EIF2AK2: variants seen among roughly 807,000 people sequenced by gnomAD.
EIF2AK2 encodes the protein interferon-induced, double-stranded RNA-activated protein kinase.
A neutral mutation model predicts 70.5 loss-of-function variants in EIF2AK2; 40 were observed. The ratio of observed to expected loss-of-function variants is 0.57; its 90% confidence interval spans 0.44 to 0.74. The LOEUF (loss-of-function observed/expected upper bound fraction) is 0.74. EIF2AK2 is among the 30% of genes least tolerant of loss of function. The pLI is 0.00. For missense variants in EIF2AK2, 555 were observed against 644.3 expected (o/e 0.86, Z 1.50); for synonymous variants, 198 against 220.9 (o/e 0.90, Z 0.92).
intron 2 of EIF2AK2, among the ~76,000 whole-genome samples, chr2:37,148,303 T>C (rs567984716): frequency 1.3e-4 from 20 of 152,272 alleles, no homozygotes; most frequent in African/African-American, 4.6e-4. Context: ...GGCTGCAGGA[T>C]TGTAGAATGT....
In EIF2AK2 at chr2:37,103,383, A is replaced by G; in HGVS notation, c.*3890T>C. On this transcript the variant is annotated 3_prime_UTR_variant, in exon 17 of 17. Transcript: ENST00000233057. The stretch of plus-strand genomic sequence containing the variant: ...GCTAATTTTTGTATTTTTAGTAGAG[A>G]TGGGGTTTCACCATGTTGGCCAGGC... 1 of 152,094 alleles carries G rather than the reference A, an allele frequency of 6.6e-6. No homozygotes were observed. The highest frequency in any genetic ancestry group is 1.5e-5 in the Non-Finnish European group (1 of 68,072). The allele number at this position is 152,094 out of a possible 1,614,324, so 9.4% of individuals were successfully genotyped here.
At chr2:37,124,851 T>C (rs1343298498) in intron 11 of EIF2AK2, among the ~76,000 whole-genome samples, 1 of 151,818 alleles carries the variant, frequency 6.6e-6, no homozygotes, top group Non-Finnish European at 1.5e-5. Flanking sequence ...CCTCAGCTTC[T>C]GAAGTAGCTG....
At position 37,114,887 on chromosome 2, in the gene EIF2AK2, T is replaced by C. The variant is rs752996471; in HGVS notation, c.1249-28A>G. ...ATGAAAAAAAAAAATTTAACTTACATGTACCAACTTAACATACTATTACCA... is the reference window on the plus strand; with the variant it reads ...ATGAAAAAAAAAAATTTAACTTACACGTACCAACTTAACATACTATTACCA... On this transcript the variant is annotated intron_variant, in intron 13 of 16. Transcript: ENST00000233057. 3.4e-6 allele frequency: 5 copies of C among 1,450,696 alleles called. No homozygotes were observed. The Admixed American group carries it at 1.1e-4, about 32-fold the overall frequency. The allele number at this position is 1,450,696 out of a possible 1,614,324, so 89.9% of individuals were successfully genotyped here.
chr2:37,151,827 C>T lies in EIF2AK2; in HGVS notation c.-183-2804G>A, dbSNP rs112084112. On this transcript the variant is annotated intron_variant, in intron 1 of 16. Coordinates refer to ENST00000233057, the MANE Select transcript of EIF2AK2 (RefSeq NM_001135651.3). ...GGCGCCGTGGCTCATGCCTGTACTCCCAACACTCTGGGAGGCCGAGGCGGG... is the reference window on the plus strand; with the variant it reads ...GGCGCCGTGGCTCATGCCTGTACTCTCAACACTCTGGGAGGCCGAGGCGGG... Among the ~76,000 whole-genome samples the T allele has an allele frequency of 3.1e-3, 468 of 152,354 alleles. 3 individuals carry two copies. Among genetic ancestry groups the T allele is most frequent in the African/African-American group, 0.011 (437 of 41,584 alleles).
chr2:37,132,594 A>G (rs1355116677), intron 10 of EIF2AK2, among the ~76,000 whole-genome samples: 1 of 152,218 alleles, frequency 6.6e-6, no homozygotes, highest in African/African-American at 2.4e-5. Flanking sequence ...GTCTCAAAAA[A>G]CAAACAAACA....
At chr2:37,132,107 T>C (rs1253930051) in intron 10 of EIF2AK2, among the ~76,000 whole-genome samples, 1 of 152,180 alleles carries the variant, frequency 6.6e-6, no homozygotes, top group East Asian at 1.9e-4. Context: ...CACATTTCTT[T>C]AGGGAACCGT....
At position 37,122,591 on chromosome 2, in the gene EIF2AK2, C is replaced by G; in HGVS notation, c.982G>C (p.Asp328His). ...GTCTCAGGATCATAATCAAATCCAT[C>G]CCAACAGCCATTGTAGTGAACAATA... Reference protein sequence around the residue: ...VNIVHYNGCWDGFDYDPETSD... With the variant: ...VNIVHYNGCWHGFDYDPETSD... The change falls in exon 12 of 17, where the codon GAT becomes CAT. Residue 328 changes from aspartate (D) to histidine (H), a missense_variant. Coordinates refer to ENST00000233057, the MANE Select transcript of EIF2AK2 (RefSeq NM_001135651.3). The G allele has an allele frequency of 6.2e-7, 1 of 1,614,146 alleles. No homozygotes were observed. Among genetic ancestry groups the G allele is most frequent in the Non-Finnish European group, 8.5e-7 (1 of 1,180,038 alleles).
chr2:37,150,483 C>G (rs768681676), intron 1 of EIF2AK2, among the ~76,000 whole-genome samples: 2 of 151,726 alleles, frequency 1.3e-5, no homozygotes, highest in African/African-American at 4.8e-5. Flanking sequence ...AATATTTTAG[C>G]AGAATTTTAA....
At chr2:37,121,262 C>CAAAAAAAAAAAAAAAAAAAAAAAAA (rs70949733) in intron 12 of EIF2AK2, among the ~76,000 whole-genome samples, 1 of 72,728 alleles carries the variant, frequency 1.4e-5, no homozygotes, top group Non-Finnish European at 2.3e-5. Context: ...GACACCGTCT[C>CAAAAAAAAAAAAAAAAAAAAAAAAA]AAAAAAAAAA....
At chr2:37,108,142 A>G (rs1251794671) in intron 15 of EIF2AK2, among the ~76,000 whole-genome samples, 1 of 147,840 alleles carries the variant, frequency 6.8e-6, no homozygotes, top group Non-Finnish European at 1.5e-5. Context: ...GTGAAACTCT[A>G]TCTCAAAAAA....
intron 11 of EIF2AK2, among the ~76,000 whole-genome samples, chr2:37,123,437 T>C (rs928619712): frequency 1.3e-5 from 2 of 151,862 alleles, no homozygotes; most frequent in Non-Finnish European, 2.9e-5. Flanking sequence ...CATCTAATTT[T>C]TTCTATTTTC....
At chr2:37,135,687 G>A (rs1336627792) in intron 9 of EIF2AK2, 141 bp from the exon 10 acceptor site, 1 of 686,680 alleles carries the variant, frequency 1.5e-6, no homozygotes, top group African/African-American at 1.8e-5. Flanking sequence ...GGAGTGCAGT[G>A]GTGTGATCAT....
At position 37,136,973 on chromosome 2, in the gene EIF2AK2, T is replaced by C. The variant is rs1342269502; in HGVS notation, c.722+10A>G. The stretch of plus-strand genomic sequence containing the variant: ...AGATCAAAATATGTTCAATGCATAA[T>C]GATACTCACCTTTTTGCCTTCCTTT... On this transcript the variant is annotated intron_variant, in intron 9 of 16. Transcript: ENST00000233057. The C allele has an allele frequency of 1.2e-6, 2 of 1,600,784 alleles. No homozygotes were observed. Among genetic ancestry groups the C allele is most frequent in the Non-Finnish European group, 1.7e-6 (2 of 1,175,288 alleles).
In EIF2AK2 at chr2:37,100,181, G is replaced by A. The variant is rs1673793825; in HGVS notation, c.*7092C>T. Reference sequence around the variant, plus strand: ...TTTCAGATAGAAACCACAGGAGAGAGCCACTGAGTGCAAAAGCCTGTTGAG... The same window carrying A: ...TTTCAGATAGAAACCACAGGAGAGAACCACTGAGTGCAAAAGCCTGTTGAG... On this transcript the variant is annotated 3_prime_UTR_variant, in exon 17 of 17. Transcript: ENST00000233057. 1 of 152,182 alleles carries A rather than the reference G, an allele frequency of 6.6e-6. No homozygotes were observed. The highest frequency in any genetic ancestry group is 2.1e-4 in the South Asian group (1 of 4,826). The allele number at this position is 152,182 out of a possible 1,614,324, so 9.4% of individuals were successfully genotyped here. A position where few individuals can be genotyped will look rare whatever the true frequency, so the allele number is the denominator to read the frequency against.
intron 10 of EIF2AK2, among the ~76,000 whole-genome samples, chr2:37,128,824 T>C (rs372918223): frequency 9.2e-5 from 14 of 152,284 alleles, no homozygotes; most frequent in African/African-American, 3.1e-4. Context: ...AGGGAGACAA[T>C]GGCATCAGGT....
At chr2:37,115,214 GTTTTTTTTTTTT>G (rs747138117) in intron 13 of EIF2AK2, 3,534 of 109,222 alleles carry the variant, frequency 0.032, 199 homozygotes, top group African/African-American at 0.15. Context: ...TGCCCGGCTA[GTTTTTTTTTTTT>G]TTTTTTTTTT....
intron 11 of EIF2AK2, among the ~76,000 whole-genome samples, chr2:37,123,100 G>A (rs929511190): frequency 5.9e-5 from 9 of 151,800 alleles, no homozygotes; most frequent in South Asian, 4.2e-4. Context: ...TCCAGGAGGC[G>A]GAGGTTGCAG....
chr2:37,135,956 A>G (rs946021993), intron 9 of EIF2AK2, among the ~76,000 whole-genome samples: 1 of 152,108 alleles, frequency 6.6e-6, no homozygotes, highest in African/African-American at 2.4e-5. Flanking sequence ...ATAAAACTAT[A>G]TACTTACCGT....
At chr2:37,155,474 TC>T (rs1192613477) in intron 1 of EIF2AK2, among the ~76,000 whole-genome samples, 1 of 152,128 alleles carries the variant, frequency 6.6e-6, no homozygotes, top group Non-Finnish European at 1.5e-5. Flanking sequence ...CCCACCAATA[TC>T]CACTCATCTA....
Sources: gnomAD v4.1 joint callset for allele counts (sites outside exome capture counted in the v4.1 genomes callset) on GRCh38, gnomAD v4.1.1 for gene constraint, MANE v1.5 for transcripts, NCBI Gene and HGNC (gene_info 2026-07-23, HGNC 2026-07-21) for gene names.